The following PTPRS variants were observed in gnomAD, a reference collection of about 807,000 sequenced individuals.
PTPRS encodes the protein receptor-type tyrosine-protein phosphatase S.
In PTPRS, 63 loss-of-function variants were observed where a neutral mutation model predicts 215.3. The ratio of observed to expected loss-of-function variants is 0.29; its 90% confidence interval spans 0.24 to 0.36. The LOEUF (loss-of-function observed/expected upper bound fraction) is 0.36. Among genes scored for constraint, PTPRS ranks in the 10% least tolerant of loss-of-function variants. The pLI, the probability that PTPRS is intolerant of heterozygous loss-of-function variation, is 1.00. For missense variants in PTPRS, 2,258 were observed against 2,825.8 expected (o/e 0.80, Z 4.56); for synonymous variants, 1,404 against 1,191.4 (o/e 1.18, Z -3.68).
At position 5,214,625 on chromosome 19, in the gene PTPRS, C is replaced by T. The variant is rs532712500; in HGVS notation, c.4430G>A (p.Arg1477His). 13 of 1,613,362 alleles carry T rather than the reference C, an allele frequency of 8.1e-6. No homozygotes were observed. The highest frequency in any genetic ancestry group is 2.2e-5 in the East Asian group (1 of 44,882). ...CGCCGACCGCTGCTCCCACACCATA[C>T]GCCAGAAGTCCCCAAAGGTCTCAGG... ...PLPETFGDFW[R>H]MVWEQRSATI... is the part of the protein sequence containing the mutation. The change falls in exon 29 of 38, where the codon CGT (arginine) becomes CAT (histidine). Residue 1477 changes from arginine to histidine, a missense_variant. This residue lies in a region of PTPRS where 927 missense variants were observed against 1,125.9 expected (regional missense o/e 0.82). Coordinates refer to ENST00000262963, the MANE Select transcript of PTPRS (RefSeq NM_002850.4).
intron 1 of PTPRS, among the ~76,000 whole-genome samples, chr19:5,305,767 T>TACATA (rs1450959995): frequency 1.1e-5 from 1 of 89,748 alleles, no homozygotes; most frequent in Non-Finnish European, 2.1e-5. Flanking sequence ...ATATATATAT[T>TACATA]TTTTTTTTAA....
At chr19:5,231,175 G>T in intron 14 of PTPRS, 135 bp downstream of exon 14, 1 of 948,888 alleles carries the variant, frequency 1.1e-6, no homozygotes, top group Non-Finnish European at 1.5e-6. Flanking sequence ...TCTCGGGGAG[G>T]CTGCTTGCTT....
At chr19:5,253,562 G>C (rs1428058855) in intron 9 of PTPRS, among the ~76,000 whole-genome samples, 1 of 152,136 alleles carries the variant, frequency 6.6e-6, no homozygotes, top group Non-Finnish European at 1.5e-5. Flanking sequence ...ATGACAGTGG[G>C]GAAAATGAGA....
chr19:5,314,996 T>C (rs1308857275), intron 1 of PTPRS, among the ~76,000 whole-genome samples: 1 of 152,222 alleles, frequency 6.6e-6, no homozygotes, highest in Non-Finnish European at 1.5e-5. Context: ...GAGCACCTAC[T>C]ATGCACTAGG....
chr19:5,284,525 C>G (rs778583367), intron 2 of PTPRS, among the ~76,000 whole-genome samples: 2 of 152,086 alleles, frequency 1.3e-5, no homozygotes, highest in Admixed American at 1.3e-4. Context: ...AGGTCTGGCT[C>G]TGTTGCCCAG....
At position 5,269,921 on chromosome 19, in the gene PTPRS, CAA is replaced by C. The variant is rs33953639; in HGVS notation, c.379+3519_379+3520del. On this transcript the variant is annotated intron_variant, in intron 4 of 37. Transcript: ENST00000262963. Reference sequence around the variant, plus strand: ...GGGTAACAAGAGCAAAACTCCATCTCAAAAAAAAAAAAAAAAAAAAAGAGTGT... The same window carrying C: ...GGGTAACAAGAGCAAAACTCCATCTCAAAAAAAAAAAAAAAAAAAGAGTGT... Among the ~76,000 whole-genome samples, 139 of 82,610 alleles carry C rather than the reference CAA, an allele frequency of 1.7e-3. 1 individual carries two copies. Among genetic ancestry groups the C allele is most frequent in the African/African-American group, 5.6e-3 (113 of 20,352 alleles). 54.2% of individuals were successfully genotyped at this position (82,610 alleles called of 152,430 possible).
At chr19:5,303,625 G>A (rs561321950) in intron 1 of PTPRS, among the ~76,000 whole-genome samples, 20 of 152,158 alleles carry the variant, frequency 1.3e-4, no homozygotes, top group African/African-American at 4.6e-4. Flanking sequence ...CAGAGAGCGG[G>A]CAGAGTGAGT....
chr19:5,247,606 A>G (rs1257717937), intron 9 of PTPRS, among the ~76,000 whole-genome samples: 1 of 152,088 alleles, frequency 6.6e-6, no homozygotes, highest in Non-Finnish European at 1.5e-5. Flanking sequence ...TGCACAGATG[A>G]CGGACTGGAG....
At chr19:5,214,269 A>T in intron 30 of PTPRS, 92 bp downstream of exon 30, 1 of 1,555,708 alleles carries the variant, frequency 6.4e-7, no homozygotes, top group African/African-American at 1.4e-5. Context: ...TCTCTGTCCC[A>T]TGGGGAGCTC....
chr19:5,208,661 TG>T (rs951587881), intron 35 of PTPRS, among the ~76,000 whole-genome samples: 3 of 152,146 alleles, frequency 2.0e-5, no homozygotes, highest in African/African-American at 7.2e-5. Context: ...ACCCCCATTT[TG>T]TACACTCTCT....
chr19:5,286,482 T>TG (rs765056217), intron 1 of PTPRS: 29 of 321,782 alleles, frequency 9.0e-5, no homozygotes, highest in Non-Finnish European at 1.7e-4. Context: ...TAACAGGAGA[T>TG]GGAGTGTTTG....
intron 2 of PTPRS, among the ~76,000 whole-genome samples, chr19:5,283,830 T>C (rs557039515): frequency 6.6e-6 from 1 of 152,062 alleles, no homozygotes; most frequent in Non-Finnish European, 1.5e-5. Context: ...CCCAGCACTT[T>C]GGGAGGCTGA....
chr19:5,336,391 T>C (rs996219518), intron 1 of PTPRS, among the ~76,000 whole-genome samples: 1 of 151,908 alleles, frequency 6.6e-6, no homozygotes, highest in African/African-American at 2.4e-5. Context: ...CAGCCACCCT[T>C]TCCCTCGATC....
At chr19:5,311,473 G>A (rs952314876) in intron 1 of PTPRS, among the ~76,000 whole-genome samples, 2 of 152,140 alleles carry the variant, frequency 1.3e-5, no homozygotes, top group Admixed American at 1.3e-4. Flanking sequence ...CCCCAGCAGG[G>A]TCCTGGGCCC....
intron 13 of PTPRS, among the ~76,000 whole-genome samples, chr19:5,236,848 G>GAAA (rs201543336): frequency 3.2e-5 from 4 of 126,166 alleles, no homozygotes; most frequent in Admixed American, 7.4e-5. Flanking sequence ...GGGAGCAGGG[G>GAAA]GAAAAAAAAA....
chr19:5,246,002 G>A lies in PTPRS; in HGVS notation c.762C>T (p.His254=), dbSNP rs966234888. 3.2e-6 allele frequency: 5 copies of A among 1,582,840 alleles called. 1 individual carries two copies. Among genetic ancestry groups the A allele is most frequent in the South Asian group, 2.3e-5 (2 of 87,628 alleles). ...APRFSILPMS[H]EIMPGGNVNI... ...TCACGTTGCCCCCTGGCATGATCTC[G>A]TGGCTCATGGGCAGGATGGAGAAGC... The change falls in exon 10 of 38, where the codon CAC becomes CAT. Residue 254 remains histidine, a synonymous_variant. Coordinates refer to ENST00000262963, the MANE Select transcript of PTPRS (RefSeq NM_002850.4).
intron 4 of PTPRS, among the ~76,000 whole-genome samples, chr19:5,268,771 A>G (rs2046648624): frequency 6.6e-6 from 1 of 152,164 alleles, no homozygotes; most frequent in Non-Finnish European, 1.5e-5. Context: ...GCAGTCACAC[A>G]CTTGTCCCAG....
Position 5,210,347 on chromosome 19 carries a change from A to G in PTPRS, c.5487+122T>C. On this transcript the variant is annotated intron_variant, in intron 35 of 37. Coordinates refer to ENST00000262963, the MANE Select transcript of PTPRS (RefSeq NM_002850.4). The surrounding 1 kb of genome is among the most constrained non-coding windows in gnomAD (Gnocchi z 4.5). ...GCAAGTGGCCAACTGGTCAGCTGAC[A>G]CTTCTCCTGATTCCCAATGCTTATG... is the stretch of plus-strand genomic sequence containing the variant. 1 of 1,424,520 alleles carries G rather than the reference A, an allele frequency of 7.0e-7. No homozygotes were observed. Among genetic ancestry groups the G allele is most frequent in the South Asian group, 1.3e-5 (1 of 77,410 alleles). 88.2% of individuals were successfully genotyped at this position (1,424,520 alleles called of 1,614,324 possible).
intron 14 of PTPRS, among the ~76,000 whole-genome samples, chr19:5,230,721 A>T (rs756636822): frequency 6.6e-6 from 1 of 152,112 alleles, no homozygotes; most frequent in Non-Finnish European, 1.5e-5. Flanking sequence ...TTGGCCTCTC[A>T]GAGTGCTGGG....
Sources: allele counts gnomAD v4.1 joint callset (sites outside exome capture counted in the v4.1 genomes callset), GRCh38; gene constraint gnomAD v4.1.1; regional missense constraint gnomAD v4.1.1; non-coding constraint Gnocchi (gnomAD v3.1); transcripts MANE v1.5; gene names NCBI Gene and HGNC (gene_info 2026-07-23, HGNC 2026-07-21).